Variants in CSMD1 observed in about 807,000 individuals in gnomAD.
CSMD1 encodes CUB and sushi domain-containing protein 1.
Under a neutral mutation model 417.5 loss-of-function variants are expected in CSMD1, and 213 were observed. That is an observed-to-expected ratio of 0.51 (90% CI 0.46 to 0.57). The LOEUF is 0.57. Among genes scored for constraint, CSMD1 ranks in the 20% least tolerant of loss-of-function variants. CSMD1 has a pLI of 0.00. For missense variants in CSMD1, 6,923 were observed against 4,529.7 expected (o/e 1.53, Z -15.17); for synonymous variants, 2,862 against 1,736.8 (o/e 1.65, Z -16.11).
chr8:4,062,916 A>C (rs1484697327), intron 3 of CSMD1, among the ~76,000 whole-genome samples: 26 of 24,628 alleles, frequency 1.1e-3, no homozygotes, highest in Non-Finnish European at 2.3e-3. Flanking sequence ...TGATCATTGC[A>C]AAAAAAAAAA....
chr8:4,832,327 C>G (rs751599852), intron 1 of CSMD1, among the ~76,000 whole-genome samples: 1 of 152,096 alleles, frequency 6.6e-6, no homozygotes, highest in Non-Finnish European at 1.5e-5. Context: ...CAGATTCTTA[C>G]GGAGATGCAA....
At chr8:3,409,394 G>T (rs777979526) in intron 13 of CSMD1, 29 bp downstream of exon 13, 4 of 1,578,072 alleles carry the variant, frequency 2.5e-6, no homozygotes, top group Middle Eastern at 1.7e-4. Context: ...CAGGACAGGA[G>T]GGAGTCCAGG....
At chr8:3,069,251 T>C (rs768969762) in intron 49 of CSMD1, among the ~76,000 whole-genome samples, 1 of 151,668 alleles carries the variant, frequency 6.6e-6, no homozygotes, top group African/African-American at 2.4e-5. Context: ...CTGGCCAACA[T>C]GGTGAACACC....
intron 3 of CSMD1, among the ~76,000 whole-genome samples, chr8:4,413,894 A>G (rs1012834477): frequency 3.3e-5 from 5 of 152,218 alleles, no homozygotes; most frequent in African/African-American, 1.2e-4. Flanking sequence ...TTACCAGTCT[A>G]AGTTACCTAA....
chr8:3,806,663 C>T (rs1800760242), intron 5 of CSMD1, among the ~76,000 whole-genome samples: 1 of 152,164 alleles, frequency 6.6e-6, no homozygotes, highest in South Asian at 2.1e-4. Context: ...ATGCGTTGAG[C>T]ACTTGAATAA....
chr8:4,580,889 C>T (rs1207400842), intron 2 of CSMD1, among the ~76,000 whole-genome samples: 1 of 152,104 alleles, frequency 6.6e-6, no homozygotes, highest in Non-Finnish European at 1.5e-5. Flanking sequence ...TTGCATTTTT[C>T]CCTGCTATTG....
At chr8:3,298,243 TG>T (rs1224541082) in intron 25 of CSMD1, among the ~76,000 whole-genome samples, 2 of 152,124 alleles carry the variant, frequency 1.3e-5, no homozygotes, top group Non-Finnish European at 2.9e-5. Context: ...TGTATACCCA[TG>T]GAAAAAGCAT....
intron 2 of CSMD1, among the ~76,000 whole-genome samples, chr8:4,562,575 T>C (rs186975794): frequency 2.0e-5 from 3 of 152,096 alleles, no homozygotes; most frequent in Admixed American, 1.3e-4. Flanking sequence ...AATGAGCATA[T>C]CCTGACTACT....
intron 1 of CSMD1, among the ~76,000 whole-genome samples, chr8:4,912,800 G>GT (rs1805784592): frequency 6.6e-6 from 1 of 151,260 alleles, no homozygotes. Flanking sequence ...TTTTTTGGAG[G>GT]GGGGGCACAG....
intron 7 of CSMD1, among the ~76,000 whole-genome samples, chr8:3,663,096 G>T (rs1223356018): frequency 1.3e-5 from 2 of 152,142 alleles, no homozygotes; most frequent in South Asian, 2.1e-4. Flanking sequence ...CCACAGAACT[G>T]CCCGCAATGA....
At chr8:3,877,875 C>G (rs546212607) in intron 5 of CSMD1, among the ~76,000 whole-genome samples, 3 of 151,886 alleles carry the variant, frequency 2.0e-5, no homozygotes, top group African/African-American at 7.3e-5. Flanking sequence ...ATTACTAAAC[C>G]ATTCAGAAGG....
At chr8:3,810,430 G>A (rs1801002040) in intron 5 of CSMD1, among the ~76,000 whole-genome samples, 1 of 152,254 alleles carries the variant, frequency 6.6e-6, no homozygotes, top group East Asian at 1.9e-4. Context: ...TTGTTAAGAA[G>A]GGATCGAAGG....
intron 2 of CSMD1, among the ~76,000 whole-genome samples, chr8:4,525,130 C>G (rs1585201956): frequency 6.6e-6 from 1 of 152,212 alleles, no homozygotes; most frequent in Non-Finnish European, 1.5e-5. Context: ...AATTTTCAAT[C>G]TACTCCAACA....
intron 12 of CSMD1, among the ~76,000 whole-genome samples, chr8:3,447,117 A>G (rs1815353961): frequency 6.6e-6 from 1 of 152,224 alleles, no homozygotes; most frequent in Non-Finnish European, 1.5e-5. Context: ...GGATTAAGAA[A>G]ACATCAAAAG....
intron 3 of CSMD1, among the ~76,000 whole-genome samples, chr8:4,190,051 G>A (rs1584989853): frequency 6.6e-6 from 1 of 151,790 alleles, no homozygotes. Flanking sequence ...GAGGTCAGGA[G>A]ATCGAGACCA....
chr8:4,751,642 C>T (rs1328263396), intron 1 of CSMD1, among the ~76,000 whole-genome samples: 2 of 152,146 alleles, frequency 1.3e-5, no homozygotes, highest in African/African-American at 2.4e-5. Context: ...AAAAATGCCA[C>T]TATCACCCTC....
intron 3 of CSMD1, among the ~76,000 whole-genome samples, chr8:4,062,288 A>C (rs963236379): frequency 1.3e-5 from 2 of 152,106 alleles, no homozygotes; most frequent in African/African-American, 2.4e-5. Context: ...AAGTTGGCAG[A>C]ATAGAGCATG....
intron 2 of CSMD1, among the ~76,000 whole-genome samples, chr8:4,468,759 G>C (rs774245719): frequency 6.6e-6 from 1 of 152,120 alleles, no homozygotes; most frequent in African/African-American, 2.4e-5. Flanking sequence ...TTCTATGTCT[G>C]AATCAGCTTA....
chr8:4,744,590 G>A (rs368238300), intron 1 of CSMD1, among the ~76,000 whole-genome samples: 1 of 152,080 alleles, frequency 6.6e-6, no homozygotes, highest in Admixed American at 6.5e-5. Flanking sequence ...AATATCTTTG[G>A]TTCGTGGTAG....
Sources: gnomAD v4.1 joint callset for allele counts (sites outside exome capture counted in the v4.1 genomes callset) on GRCh38, gnomAD v4.1.1 for gene constraint, MANE v1.5 for transcripts, NCBI Gene and HGNC (gene_info 2026-07-23, HGNC 2026-07-21) for gene names.